Variants in RSU1 observed in about 807,000 individuals in gnomAD.
The protein encoded by RSU1 is rsu-1.
Under a neutral mutation model 31.1 loss-of-function variants are expected in RSU1, and 26 were observed. The observed-to-expected ratio is 0.84, with a 90% CI of 0.61 to 1.16. The LOEUF (loss-of-function observed/expected upper bound fraction) is 1.16, where lower values mean the gene tolerates loss of function less well. RSU1 is among the 50% of genes most tolerant of loss of function. The probability of loss-of-function intolerance (pLI) is 0.00; values close to 1 mark genes in which losing one functional copy is unlikely to be tolerated. For missense variants in RSU1, 320 were observed against 339.1 expected (o/e 0.94, Z 0.44); for synonymous variants, 164 against 136.3 (o/e 1.20, Z -1.41).
At chr10:16,791,635 CAAAAAA>C (rs553951655) in intron 2 of RSU1, among the ~76,000 whole-genome samples, 2 of 98,484 alleles carry the variant, frequency 2.0e-5, no homozygotes, top group Non-Finnish European at 4.4e-5. Flanking sequence ...CTCAAAAAAA[CAAAAAA>C]AAAAAAAAAA....
chr10:16,647,696 G>T (rs965612281), intron 8 of RSU1, among the ~76,000 whole-genome samples: 2 of 152,088 alleles, frequency 1.3e-5, no homozygotes, highest in Admixed American at 6.5e-5. Context: ...TGATGCTAAG[G>T]GTTGTGGCAT....
chr10:16,712,226 G>A (rs1005308100), intron 7 of RSU1, among the ~76,000 whole-genome samples: 3 of 152,010 alleles, frequency 2.0e-5, no homozygotes, highest in Middle Eastern at 3.2e-3. Flanking sequence ...TGTCTTTAAT[G>A]ATGATGTGAG....
At chr10:16,665,283 C>G (rs903542159) in intron 8 of RSU1, among the ~76,000 whole-genome samples, 1 of 152,104 alleles carries the variant, frequency 6.6e-6, no homozygotes, top group Non-Finnish European at 1.5e-5. Context: ...CTCATACACT[C>G]TTTCCTAACA....
chr10:16,677,490 AT>A (rs944609743), intron 8 of RSU1, among the ~76,000 whole-genome samples: 1 of 152,144 alleles, frequency 6.6e-6, no homozygotes, highest in East Asian at 1.9e-4. Flanking sequence ...CAGGTCCTGA[AT>A]TTTTCTAGTA....
At chr10:16,657,022 C>G (rs374713105) in intron 8 of RSU1, among the ~76,000 whole-genome samples, 2 of 152,292 alleles carry the variant, frequency 1.3e-5, no homozygotes, top group East Asian at 3.9e-4. Flanking sequence ...GCTTTAGAGG[C>G]TGAGAAAACT....
intron 7 of RSU1, among the ~76,000 whole-genome samples, chr10:16,719,322 AC>A (rs985671950): frequency 6.6e-5 from 10 of 152,048 alleles, no homozygotes; most frequent in African/African-American, 2.4e-4. Context: ...ACAAAAACAA[AC>A]CAGAAAAACC....
chr10:16,727,068 A>G (rs1372631140), intron 7 of RSU1: 1 of 456,624 alleles, frequency 2.2e-6, no homozygotes, highest in East Asian at 7.0e-5. Context: ...GGAACTAATT[A>G]ATGTGCATTC....
chr10:16,599,039 T>C (rs886242976), intron 8 of RSU1, among the ~76,000 whole-genome samples: 8 of 152,234 alleles, frequency 5.3e-5, no homozygotes, highest in African/African-American at 1.9e-4. Flanking sequence ...AACTGTCCCC[T>C]TGCTACTACG....
chr10:16,664,813 T>C (rs1342731546), intron 8 of RSU1, among the ~76,000 whole-genome samples: 1 of 152,238 alleles, frequency 6.6e-6, no homozygotes, highest in Admixed American at 6.5e-5. Flanking sequence ...TAAACTTCTC[T>C]TTACCATATA....
intron 8 of RSU1, among the ~76,000 whole-genome samples, chr10:16,598,871 G>C (rs980219422): frequency 1.3e-5 from 2 of 152,360 alleles, no homozygotes; most frequent in Non-Finnish European, 2.9e-5. Context: ...AGGGTGGCCT[G>C]TCCGTGAGGA....
intron 8 of RSU1, among the ~76,000 whole-genome samples, chr10:16,604,323 C>A (rs1588669754): frequency 1.3e-5 from 2 of 152,176 alleles, no homozygotes; most frequent in East Asian, 3.8e-4. Context: ...CCAGGGATAT[C>A]AGCAAAGCTG....
At chr10:16,741,190 G>A (rs1215153464) in intron 7 of RSU1, among the ~76,000 whole-genome samples, 1 of 152,192 alleles carries the variant, frequency 6.6e-6, no homozygotes, top group Non-Finnish European at 1.5e-5. Flanking sequence ...TGACAAGAGT[G>A]CCAAGACCAT....
In RSU1 at chr10:16,682,539, C is replaced by CACACACACACAT. The variant is rs1487939450; in HGVS notation, c.731+12483_731+12484insATGTGTGTGTGT. On this transcript the variant is annotated intron_variant, in intron 8 of 8. Transcript: ENST00000345264. ...ATGGTCTTTTAAAATCATTCATACA[C>CACACACACACAT]ACACACACACACACACACACACACA... Among the ~76,000 whole-genome samples the CACACACACACAT allele has an allele frequency of 4.1e-5, 6 of 145,200 alleles. No homozygotes were observed. The East Asian group carries it at 1.2e-3, about 30-fold the overall frequency.
chr10:16,718,041 T>A (rs1836178348), intron 7 of RSU1, among the ~76,000 whole-genome samples: 1 of 127,724 alleles, frequency 7.8e-6, no homozygotes, highest in Non-Finnish European at 1.7e-5. Flanking sequence ...AAGAAAACAA[T>A]CAACAAACAC....
At chr10:16,801,461 C>T (rs11254196) in intron 2 of RSU1, among the ~76,000 whole-genome samples, 8,073 of 152,242 alleles carry the variant, frequency 0.053, 269 homozygotes, top group African/African-American at 0.098. Flanking sequence ...CAAGACTCCA[C>T]TCTATCAGTA....
At chr10:16,720,599 A>G (rs1836237198) in intron 7 of RSU1, among the ~76,000 whole-genome samples, 1 of 152,258 alleles carries the variant, frequency 6.6e-6, no homozygotes, top group Non-Finnish European at 1.5e-5. Flanking sequence ...AGTTTCTCAT[A>G]TAAATAAGTA....
At chr10:16,812,858 T>A (rs1357366206) in intron 2 of RSU1, among the ~76,000 whole-genome samples, 1 of 152,176 alleles carries the variant, frequency 6.6e-6, no homozygotes, top group Admixed American at 6.5e-5. Context: ...GGAAGCTGAT[T>A]ACAGGGCCCT....
At chr10:16,761,673 C>T (rs1396897641) in intron 4 of RSU1, among the ~76,000 whole-genome samples, 1 of 151,946 alleles carries the variant, frequency 6.6e-6, no homozygotes, top group Non-Finnish European at 1.5e-5. Flanking sequence ...TGGCTAACAC[C>T]GCAAAATCCC....
chr10:16,620,888 G>T (rs1399785800), intron 8 of RSU1, among the ~76,000 whole-genome samples: 1 of 150,942 alleles, frequency 6.6e-6, no homozygotes, highest in Non-Finnish European at 1.5e-5. Flanking sequence ...ATTTTATTTT[G>T]TAAAAAATTC....
Sources: allele counts gnomAD v4.1 joint callset (sites outside exome capture counted in the v4.1 genomes callset), GRCh38; gene constraint gnomAD v4.1.1; transcripts MANE v1.5; gene names NCBI Gene and HGNC (gene_info 2026-07-23, HGNC 2026-07-21).